S100Z: variants seen among roughly 807,000 people sequenced by gnomAD.
The protein encoded by S100Z is S100 calcium binding protein Z.
A neutral mutation model predicts 8.5 loss-of-function variants in S100Z; 11 were observed. The ratio of observed to expected loss-of-function variants is 1.30; its 90% confidence interval spans 0.82 to 2.15. The LOEUF (loss-of-function observed/expected upper bound fraction) is 2.15. Ranked by LOEUF, S100Z falls within the 30% of genes most tolerant of loss-of-function variation. The pLI is 0.00. For missense variants in S100Z, 126 were observed against 117.9 expected (o/e 1.07, Z -0.32); for synonymous variants, 34 against 43.8 (o/e 0.78, Z 0.89).
intron 4 of S100Z, among the ~76,000 whole-genome samples, chr5:76,880,223 A>C (rs745735775): frequency 6.6e-5 from 10 of 152,172 alleles, no homozygotes; most frequent in Non-Finnish European, 1.3e-4. Flanking sequence ...GTCATGAGTT[A>C]AGGCTATTTT....
chr5:76,905,122 C>G (rs755953072), intron 4 of S100Z, among the ~76,000 whole-genome samples: 28 of 152,116 alleles, frequency 1.8e-4, no homozygotes, highest in Non-Finnish European at 4.0e-4. Flanking sequence ...ACAGTATGAA[C>G]TCTTCAACAA....
chr5:76,886,495 G>C (rs373496970), intron 4 of S100Z, among the ~76,000 whole-genome samples: 1 of 152,186 alleles, frequency 6.6e-6, no homozygotes, highest in East Asian at 1.9e-4. Context: ...CTGAGGACCC[G>C]AGGTCGTAGG....
chr5:76,881,855 A>G (rs550205372), intron 4 of S100Z, among the ~76,000 whole-genome samples: 2 of 152,338 alleles, frequency 1.3e-5, no homozygotes, highest in South Asian at 4.1e-4. Flanking sequence ...GAGTGATGGC[A>G]TCTTATGCCT....
chr5:76,876,456 C>T (rs912296948), intron 3 of S100Z, among the ~76,000 whole-genome samples: 6 of 151,768 alleles, frequency 4.0e-5, no homozygotes, highest in Non-Finnish European at 7.4e-5. Context: ...GCAATCTCCA[C>T]CTCCCAGGTT....
At chr5:76,859,058 A>C (rs1382300107) in intron 1 of S100Z, among the ~76,000 whole-genome samples, 3 of 152,198 alleles carry the variant, frequency 2.0e-5, no homozygotes, top group Non-Finnish European at 4.4e-5. Flanking sequence ...AGGTTCCAGT[A>C]AGCTGAGATA....
At chr5:76,892,999 T>G (rs564566170) in intron 4 of S100Z, among the ~76,000 whole-genome samples, 1 of 152,236 alleles carries the variant, frequency 6.6e-6, no homozygotes, top group African/African-American at 2.4e-5. Context: ...ACAAGGAATT[T>G]CCAGGCCCTC....
chr5:76,946,456 A>G, the S100Z span, among the ~76,000 whole-genome samples: 9 of 152,196 alleles, frequency 5.9e-5, no homozygotes, highest in African/African-American at 2.2e-4. Context: ...TGATGCAGCT[A>G]AACTACTATA....
chr5:76,857,223 T>G (rs1049645750), intron 1 of S100Z, among the ~76,000 whole-genome samples: 1 of 151,400 alleles, frequency 6.6e-6, no homozygotes, highest in Non-Finnish European at 1.5e-5. Context: ...CCCTGGGAGG[T>G]GGAGGTTGCA....
chr5:76,885,446 T>TC (rs34274755), intron 4 of S100Z, among the ~76,000 whole-genome samples: 14,442 of 26,488 alleles, frequency 0.55, 5,908 homozygotes, highest in African/African-American at 0.82. Context: ...GAGGTGCTTG[T>TC]CCCCAGGAAA....
intron 4 of S100Z, among the ~76,000 whole-genome samples, chr5:76,887,195 C>A (rs1187931547): frequency 1.3e-5 from 2 of 150,472 alleles, no homozygotes; most frequent in Non-Finnish European, 3.0e-5. Context: ...CTCCATGGTT[C>A]AAGCGATTTT....
the S100Z span, among the ~76,000 whole-genome samples, chr5:76,951,796 AC>A: frequency 6.6e-6 from 1 of 152,298 alleles, no homozygotes; most frequent in East Asian, 1.9e-4. Flanking sequence ...TGGTCTGAGG[AC>A]TGCTTACAAA....
At chr5:76,877,584 G>A (rs1743241518) in intron 3 of S100Z, 90 bp from the exon 4 acceptor site, 2 of 809,890 alleles carry the variant, frequency 2.5e-6, no homozygotes, top group Non-Finnish European at 4.1e-6. Flanking sequence ...ATGGAAATTA[G>A]GAATTTAATG....
At chr5:76,951,432 C>A in the S100Z span, among the ~76,000 whole-genome samples, 1 of 152,082 alleles carries the variant, frequency 6.6e-6, no homozygotes, top group African/African-American at 2.4e-5. Flanking sequence ...GGTGCCAGAC[C>A]CCCTAAGAGG....
chr5:76,882,488 G>A (rs1254890305), intron 4 of S100Z, among the ~76,000 whole-genome samples: 1 of 152,148 alleles, frequency 6.6e-6, no homozygotes, highest in Non-Finnish European at 1.5e-5. Context: ...GATCTGTGGG[G>A]TCAGCTAGGT....
intron 1 of S100Z, among the ~76,000 whole-genome samples, chr5:76,864,834 T>C (rs1425249737): frequency 6.6e-6 from 1 of 151,750 alleles, no homozygotes; most frequent in East Asian, 1.9e-4. Context: ...TCAGCCTCCC[T>C]AGTAGCTGAG....
intron 4 of S100Z, among the ~76,000 whole-genome samples, chr5:76,912,829 A>G (rs1413839480): frequency 6.6e-6 from 1 of 152,104 alleles, no homozygotes; most frequent in Non-Finnish European, 1.5e-5. Context: ...AAGAAAAGAG[A>G]GAAAGAGACA....
chr5:76,935,724 T>C, the S100Z span, among the ~76,000 whole-genome samples: 4 of 152,120 alleles, frequency 2.6e-5, no homozygotes, highest in Non-Finnish European at 5.9e-5. Context: ...TGAGAATTAA[T>C]TGGCTTAAGC....
intron 4 of S100Z, among the ~76,000 whole-genome samples, chr5:76,906,687 C>T (rs1262463584): frequency 6.6e-6 from 1 of 151,026 alleles, no homozygotes; most frequent in African/African-American, 2.4e-5. Context: ...GGCTGGAGTG[C>T]AGTAGTGCGA....
intron 1 of S100Z, among the ~76,000 whole-genome samples, chr5:76,864,544 C>T (rs7712142): frequency 0.21 from 30,848 of 149,998 alleles, 3,399 homozygotes; most frequent in African/African-American, 0.27. Context: ...GGTGGAACCA[C>T]AGGCGCATGA....
Sources: allele counts gnomAD v4.1 joint callset (sites outside exome capture counted in the v4.1 genomes callset), GRCh38; gene constraint gnomAD v4.1.1; transcripts MANE v1.5; gene names NCBI Gene and HGNC (gene_info 2026-07-23, HGNC 2026-07-21).